STXBP6: variants seen among roughly 807,000 people sequenced by gnomAD.
STXBP6 encodes syntaxin binding protein 6.
A neutral mutation model predicts 26.9 loss-of-function variants in STXBP6; 21 were observed. The observed-to-expected ratio is 0.78, with a 90% CI of 0.55 to 1.12. The LOEUF (loss-of-function observed/expected upper bound fraction) is 1.12. Ranked by LOEUF, STXBP6 falls within the 50% of genes most tolerant of loss-of-function variation. The probability of loss-of-function intolerance (pLI) is 0.00; values close to 1 mark genes in which losing one functional copy is unlikely to be tolerated. For missense variants in STXBP6, 232 were observed against 257.9 expected (o/e 0.90, Z 0.69); for synonymous variants, 97 against 92.6 (o/e 1.05, Z -0.27).
At chr14:25,011,922 A>T (rs1221477497) in intron 1 of STXBP6, among the ~76,000 whole-genome samples, 1 of 152,190 alleles carries the variant, frequency 6.6e-6, no homozygotes, top group African/African-American at 2.4e-5. Context: ...CTAAAAAACT[A>T]TTACTACATT....
intron 2 of STXBP6, among the ~76,000 whole-genome samples, chr14:24,968,520 T>C (rs1880743891): frequency 6.6e-6 from 1 of 152,178 alleles, no homozygotes; most frequent in Non-Finnish European, 1.5e-5. Context: ...ACAATTAAAT[T>C]TGGTTACCCT....
intron 2 of STXBP6, among the ~76,000 whole-genome samples, chr14:24,928,301 A>G (rs1311461882): frequency 6.6e-6 from 1 of 152,188 alleles, no homozygotes; most frequent in Non-Finnish European, 1.5e-5. Context: ...ACTGGGATAT[A>G]GAAAGATTCC....
intron 2 of STXBP6, among the ~76,000 whole-genome samples, chr14:24,879,030 G>A (rs1454846100): frequency 6.6e-6 from 1 of 151,802 alleles, no homozygotes; most frequent in East Asian, 1.9e-4. Flanking sequence ...CCTATAAAAT[G>A]ATAAAAAATA....
At chr14:25,008,174 C>T (rs1327868533) in intron 1 of STXBP6, among the ~76,000 whole-genome samples, 2 of 152,196 alleles carry the variant, frequency 1.3e-5, no homozygotes, top group African/African-American at 4.8e-5. Context: ...GAAGTAGCCA[C>T]AATTCATTTT....
chr14:24,914,074 G>C (rs1412741116), intron 2 of STXBP6, among the ~76,000 whole-genome samples: 2 of 152,156 alleles, frequency 1.3e-5, no homozygotes, highest in Non-Finnish European at 2.9e-5. Context: ...GTATCAGAAA[G>C]TATGCCACTG....
chr14:25,045,276 T>C (rs2075707656), intron 1 of STXBP6, among the ~76,000 whole-genome samples: 1 of 152,164 alleles, frequency 6.6e-6, no homozygotes. Flanking sequence ...GTCTTTGATA[T>C]AATGATGCCC....
intron 1 of STXBP6, among the ~76,000 whole-genome samples, chr14:25,011,029 A>G (rs8004566): frequency 0.14 from 21,802 of 152,154 alleles, 1,708 homozygotes; most frequent in African/African-American, 0.21. Context: ...TACTTAAATC[A>G]GATATTGAGA....
intron 1 of STXBP6, among the ~76,000 whole-genome samples, chr14:24,997,077 G>C (rs931043153): frequency 6.6e-6 from 1 of 152,056 alleles, no homozygotes; most frequent in Admixed American, 6.6e-5. Context: ...AGTAACTGAC[G>C]TCCAGAGGGA....
chr14:24,861,727 T>C (rs2069545366), intron 2 of STXBP6, among the ~76,000 whole-genome samples: 1 of 152,158 alleles, frequency 6.6e-6, no homozygotes, highest in South Asian at 2.1e-4. Flanking sequence ...AAATGGAGCA[T>C]GGTGCTCTCC....
chr14:24,966,710 T>C (rs947153066), intron 2 of STXBP6, among the ~76,000 whole-genome samples: 2 of 152,330 alleles, frequency 1.3e-5, no homozygotes, highest in African/African-American at 4.8e-5. Context: ...ATTTCAGGCA[T>C]CTATTTTTTC....
chr14:24,986,000 A>AAC (rs745759546), intron 1 of STXBP6, among the ~76,000 whole-genome samples: 25 of 152,362 alleles, frequency 1.6e-4, no homozygotes, highest in Non-Finnish European at 3.1e-4. Context: ...AAAACAGAGA[A>AAC]ACATGAAATG....
chr14:24,940,699 C>G (rs2072770836), intron 2 of STXBP6, among the ~76,000 whole-genome samples: 2 of 152,154 alleles, frequency 1.3e-5, no homozygotes, highest in Admixed American at 1.3e-4. Context: ...TCTACCTCAG[C>G]CCAACCCTAA....
intron 2 of STXBP6, among the ~76,000 whole-genome samples, chr14:24,906,962 A>G (rs1428797906): frequency 6.6e-6 from 1 of 152,188 alleles, no homozygotes; most frequent in African/African-American, 2.4e-5. Flanking sequence ...ACTAAAAAAA[A>G]GTGGATCTCA....
Position 24,857,085 on chromosome 14 carries a change from C to G in STXBP6, c.227G>C (p.Arg76Pro). 1 of 1,612,982 alleles carries G rather than the reference C, an allele frequency of 6.2e-7. No individual in the cohort carries two copies. Among genetic ancestry groups the G allele is most frequent in the Non-Finnish European group, 8.5e-7 (1 of 1,179,242 alleles). The change falls in exon 3 of 6, where the codon CGG (arginine) becomes CCG (proline). Residue 76 changes from arginine (R) to proline (P), a missense_variant. By Grantham distance (103) the Arg-to-Pro change is moderately radical. Coordinates refer to ENST00000323944, the MANE Select transcript of STXBP6 (RefSeq NM_001394410.1). The part of the protein sequence containing the change: ...KQFEGSTSFV[R>P]RSQWMLEQLR... ...CTGCTCGAGCATCCACTGTGATCTCCGAACAAATGATGTGGAGCCTTCAAA... is the reference window on the plus strand; with the variant it reads ...CTGCTCGAGCATCCACTGTGATCTCGGAACAAATGATGTGGAGCCTTCAAA...
chr14:24,854,738 C>T (rs559785255), intron 4 of STXBP6, among the ~76,000 whole-genome samples: 3 of 152,072 alleles, frequency 2.0e-5, no homozygotes, highest in Admixed American at 1.3e-4. Context: ...GCACTGGTGG[C>T]GCAGACATGA....
chr14:25,034,152 G>A (rs1300241076), intron 1 of STXBP6, among the ~76,000 whole-genome samples: 1 of 152,168 alleles, frequency 6.6e-6, no homozygotes, highest in Non-Finnish European at 1.5e-5. Context: ...GATAAAGGTA[G>A]GGGAAGGAGG....
intron 1 of STXBP6, among the ~76,000 whole-genome samples, chr14:24,989,641 G>A (rs1286658507): frequency 4.6e-5 from 7 of 152,266 alleles, no homozygotes; most frequent in East Asian, 1.9e-4. Flanking sequence ...TATGGTGCAC[G>A]CCTAATGTAT....
chr14:24,946,433 G>A (rs191560523), intron 2 of STXBP6, among the ~76,000 whole-genome samples: 52 of 152,282 alleles, frequency 3.4e-4, no homozygotes, highest in African/African-American at 1.2e-3. Flanking sequence ...AAGTGGTGGG[G>A]TAGAAAGGTA....
intron 2 of STXBP6, among the ~76,000 whole-genome samples, chr14:24,859,617 T>C (rs778795837): frequency 6.6e-6 from 1 of 152,102 alleles, no homozygotes; most frequent in Non-Finnish European, 1.5e-5. Context: ...TGAAAAACAG[T>C]GATTCACCTT....
Sources: gnomAD v4.1 joint callset for allele counts (sites outside exome capture counted in the v4.1 genomes callset) on GRCh38, gnomAD v4.1.1 for gene constraint, MANE v1.5 for transcripts, NCBI Gene and HGNC (gene_info 2026-07-23, HGNC 2026-07-21) for gene names.